The following SERHL2 variants were observed in gnomAD, a reference collection of about 807,000 sequenced individuals.
The protein encoded by SERHL2 is serine hydrolase like 2.
In SERHL2, 29 loss-of-function variants were observed where a neutral mutation model predicts 25.5. That is an observed-to-expected ratio of 1.14 (90% CI 0.85 to 1.55). The LOEUF (loss-of-function observed/expected upper bound fraction) is 1.55. Ranked by LOEUF, SERHL2 falls within the 40% of genes most tolerant of loss-of-function variation. The pLI is 0.00. For missense variants in SERHL2, 240 were observed against 252.3 expected, an observed-to-expected ratio of 0.95 and a Z score of 0.33; for synonymous variants, 95 against 103.5, an observed-to-expected ratio of 0.92 and a Z score of 0.50.
intron 9 of SERHL2, 135 bp from the exon 10 acceptor site, chr22:42,570,986 G>A: frequency 8.2e-7 from 1 of 1,217,230 alleles, no homozygotes; most frequent in Non-Finnish European, 1.2e-6. Context: ...GTGATGTGGG[G>A]TCCTGGGCTC....
intron 9 of SERHL2, among the ~76,000 whole-genome samples, chr22:42,568,771 C>T (rs1260322578): frequency 1.3e-5 from 2 of 151,996 alleles, no homozygotes; most frequent in Admixed American, 6.5e-5. Flanking sequence ...TAAAGACCAG[C>T]CTCGCCAACA....
At chr22:42,573,464 T>G (rs146010128) in intron 11 of SERHL2, 1 of 160,148 alleles carries the variant, frequency 6.2e-6, no homozygotes, top group African/African-American at 2.4e-5. Flanking sequence ...AGGATGCTCT[T>G]GATCTCCTGA....
At chr22:42,562,667 G>A (rs1384646521) in intron 8 of SERHL2, among the ~76,000 whole-genome samples, 1 of 151,938 alleles carries the variant, frequency 6.6e-6, no homozygotes, top group African/African-American at 2.4e-5. Context: ...GTGAAGGTAC[G>A]GGAGCTGCTC....
chr22:42,554,297 C>T (rs1921964444), intron 1 of SERHL2, among the ~76,000 whole-genome samples: 3 of 152,020 alleles, frequency 2.0e-5, no homozygotes, highest in Admixed American at 1.3e-4. Context: ...GTCGGGGGTG[C>T]GCAAGTCTCC....
intron 9 of SERHL2, among the ~76,000 whole-genome samples, chr22:42,567,248 G>A (rs1026067679): frequency 1.3e-5 from 2 of 152,026 alleles, no homozygotes; most frequent in Non-Finnish European, 2.9e-5. Context: ...TTGGACCAGG[G>A]CGTCAGCCAA....
At chr22:42,571,846 GC>G (rs1924245565) in intron 10 of SERHL2, 1 of 151,518 alleles carries the variant, frequency 6.6e-6, no homozygotes, top group Admixed American at 6.6e-5. Context: ...GTGTTGTATG[GC>G]TGCATTCACG....
intron 9 of SERHL2, 59 bp from the exon 10 acceptor site, chr22:42,571,062 G>T: frequency 1.2e-6 from 2 of 1,609,930 alleles, no homozygotes. Flanking sequence ...GATGGGTTTC[G>T]TGCCCACGAG....
rs1224355353 is a variant in SERHL2 at position 42,560,208 on chromosome 22, TTGAG to T, written c.561_564del (p.Ser187ArgfsTer21). On this transcript the variant is annotated frameshift_variant, in exon 8 of 12. Coordinates refer to ENST00000327678, the MANE Select transcript of SERHL2 (RefSeq NM_014509.5). LOFTEE classifies it high-confidence loss of function. ...CAGGTTACTGAAGAGCAATAGCCAC[TTGAG>T]TGAGGAGTGCGGGGAGCTTCTCCTG... 3 of 1,612,856 alleles carry T rather than the reference TTGAG, an allele frequency of 1.9e-6. No homozygotes were observed. The highest frequency in any genetic ancestry group is 2.5e-6 in the Non-Finnish European group (3 of 1,179,152).
chr22:42,562,018 T>G (rs1232869551), intron 8 of SERHL2, among the ~76,000 whole-genome samples: 1 of 151,454 alleles, frequency 6.6e-6, no homozygotes, highest in African/African-American at 2.4e-5. Flanking sequence ...TATGTGGGTG[T>G]CAGGGGGGTG....
chr22:42,559,676 G>A (rs923331909), intron 7 of SERHL2, among the ~76,000 whole-genome samples: 6 of 151,246 alleles, frequency 4.0e-5, no homozygotes, highest in South Asian at 2.1e-4. Context: ...CCCAGATTGC[G>A]CCACTGTACT....
chr22:42,559,813 GTTGTGTT>G (rs1378378590), intron 7 of SERHL2, among the ~76,000 whole-genome samples: 1 of 151,830 alleles, frequency 6.6e-6, no homozygotes, highest in African/African-American at 2.4e-5. Flanking sequence ...TTTTGTTGTT[GTTGTGTT>G]TTGTTTTTGG....
At chr22:42,566,065 T>C (rs1923338132) in intron 8 of SERHL2, among the ~76,000 whole-genome samples, 1 of 152,020 alleles carries the variant, frequency 6.6e-6, no homozygotes, top group African/African-American at 2.4e-5. Flanking sequence ...GCACCGGCCC[T>C]TTGGGGTGGC....
intron 9 of SERHL2, chr22:42,569,128 ATTTTTTTT>A (rs34080996): frequency 7.0e-6 from 1 of 143,820 alleles, no homozygotes; most frequent in Non-Finnish European, 1.5e-5. Context: ...GGTGATGTGA[ATTTTTTTT>A]TTTTTCTTGC....
intron 9 of SERHL2, among the ~76,000 whole-genome samples, chr22:42,570,796 C>G (rs1924063096): frequency 1.3e-5 from 2 of 152,062 alleles, no homozygotes; most frequent in Admixed American, 1.3e-4. Context: ...TCCTAAAATC[C>G]AGGCCCAGAA....
At chr22:42,570,800 C>T (rs528646132) in intron 9 of SERHL2, among the ~76,000 whole-genome samples, 19 of 152,150 alleles carry the variant, frequency 1.2e-4, no homozygotes, top group African/African-American at 4.6e-4. Context: ...AAAATCCAGG[C>T]CCAGAAGTGG....
chr22:42,563,419 G>A (rs915663853), intron 8 of SERHL2: 2 of 441,856 alleles, frequency 4.5e-6, no homozygotes, highest in Non-Finnish European at 9.1e-6. Flanking sequence ...GCCCAGGCTG[G>A]TCTCGAACTC....
rs761318843 is a variant in SERHL2, at chr22:42,574,023, C to T, written c.913C>T (p.Gln305Ter). 3 of 1,579,838 alleles carry T rather than the reference C, an allele frequency of 1.9e-6. No homozygotes were observed. Among genetic ancestry groups the T allele is most frequent in the South Asian group, 2.2e-5 (2 of 90,730 alleles). The change falls in exon 12 of 12, where the codon CAG (glutamine) becomes TAG (stop). Residue 305 changes from glutamine to a stop codon, truncating the protein, a stop_gained. Transcript: ENST00000327678. LOFTEE classifies it low-confidence loss of function (END_TRUNC). ...HVASIISSFL[Q>*]CTHMLPAQL The stretch of plus-strand genomic sequence containing the variant: ...GGCCAGTATCATCAGCTCCTTCTTA[C>T]AGTGCACACACATGCTCCCAGCCCA...
chr22:42,573,822 C>A lies in SERHL2; in HGVS notation c.826-114C>A, dbSNP rs530050976. 1.8e-5 allele frequency: 17 copies of A among 943,084 alleles called. 1 individual carries two copies. The South Asian group carries it at 2.4e-4, about 13-fold the overall frequency. The allele number at this position is 943,084 out of a possible 1,614,324, so 58.4% of individuals were successfully genotyped here. ...TGTGGGGGAAACTCACTGTGGGAGG[C>A]GCTCCTGACCTGCAGGGAGCTGGAA... On this transcript the variant is annotated intron_variant, in intron 11 of 11. Transcript: ENST00000327678.
intron 1 of SERHL2, among the ~76,000 whole-genome samples, chr22:42,554,267 A>G (rs1356540390): frequency 6.6e-6 from 1 of 151,970 alleles, no homozygotes; most frequent in East Asian, 1.9e-4. Flanking sequence ...CCCCTGAGTT[A>G]GCCGAGCGTG....
Sources: allele counts gnomAD v4.1 joint callset (sites outside exome capture counted in the v4.1 genomes callset), GRCh38; gene constraint gnomAD v4.1.1; transcripts MANE v1.5; gene names NCBI Gene and HGNC (gene_info 2026-07-23, HGNC 2026-07-21).